The following BORCS8 variants were observed in gnomAD, a reference collection of about 807,000 sequenced individuals.
BORCS8 encodes BLOC-1 related complex subunit 8.
BORCS8 carries 13 observed loss-of-function variants against 18.7 expected under a neutral mutation model. The observed-to-expected ratio is 0.70, with a 90% CI of 0.45 to 1.11. BORCS8 has a LOEUF of 1.11. BORCS8 is among the 50% of genes least tolerant of loss of function. The pLI is 0.00. For missense variants in BORCS8, 165 were observed against 165.7 expected (o/e 1.00, Z 0.02); for synonymous variants, 68 against 64.8 (o/e 1.05, Z -0.24).
chr19:19,189,485 C>G (rs78678276), intron 1 of BORCS8, among the ~76,000 whole-genome samples: 5,436 of 152,296 alleles, frequency 0.036, 258 homozygotes, highest in East Asian at 0.24. Flanking sequence ...ATAAAATCCG[C>G]CTTTCTTGCC....
chr19:19,182,563 C>G lies in BORCS8; in HGVS notation c.326+10G>C. 3.2e-6 allele frequency: 5 copies of G among 1,549,432 alleles called. No homozygotes were observed. Among genetic ancestry groups the G allele is most frequent in the Non-Finnish European group, 4.4e-6 (5 of 1,146,476 alleles). The stretch of plus-strand genomic sequence containing the variant: ...GAGTGGCAGTGGGGGCGGGCGGTCC[C>G]AGGAGCTACCTGTGGCCCTGGGCAC... On this transcript the variant is annotated intron_variant, in intron 4 of 5. Transcript: ENST00000462790. The surrounding 1 kb of genome is among the most constrained non-coding windows in gnomAD (Gnocchi z 4.1).
intron 5 of BORCS8, chr19:19,178,802 A>T (rs1477783810): frequency 6.6e-6 from 1 of 152,152 alleles, no homozygotes; most frequent in Non-Finnish European, 1.5e-5. Flanking sequence ...TCTACTAAAA[A>T]TACAAAAATT....
intron 5 of BORCS8, chr19:19,180,402 G>A (rs191187689): frequency 1.6e-5 from 8 of 499,286 alleles, no homozygotes; most frequent in African/African-American, 6.0e-5. Flanking sequence ...CTCTGTCTTG[G>A]GGGGTGGAAA....
chr19:19,180,556 C>T lies in BORCS8; in HGVS notation c.*42+130G>A, dbSNP rs141278039. The T allele has an allele frequency of 5.7e-4, 403 of 705,780 alleles. No individual in the cohort carries two copies. In the African/African-American group the frequency reaches 6.4e-3, roughly 11 times the overall value. The allele number at this position is 705,780 out of a possible 1,614,324, so 43.7% of individuals were successfully genotyped here. On this transcript the variant is annotated intron_variant, in intron 5 of 5. Coordinates refer to ENST00000462790, the MANE Select transcript of BORCS8 (RefSeq NM_001145784.2). ...CAGACACCCCTCCACCTGCCACCTC[C>T]GAAATCATCCCACAAGCCCAGTGAG...
intron 4 of BORCS8, among the ~76,000 whole-genome samples, chr19:19,181,477 C>A (rs1478158365): frequency 6.6e-6 from 1 of 152,200 alleles, no homozygotes; most frequent in African/African-American, 2.4e-5. Context: ...CAAGCTGCTA[C>A]TAATATCTTT....
At chr19:19,185,018 A>AC (rs1472572118) in intron 3 of BORCS8, among the ~76,000 whole-genome samples, 2 of 152,332 alleles carry the variant, frequency 1.3e-5, no homozygotes, top group Admixed American at 6.5e-5. Flanking sequence ...GGCGTGCATA[A>AC]CCATTCCCAG....
intron 1 of BORCS8, among the ~76,000 whole-genome samples, chr19:19,187,326 T>C (rs1172293872): frequency 2.0e-5 from 3 of 151,922 alleles, no homozygotes; most frequent in African/African-American, 7.3e-5. Context: ...AATACAAAAA[T>C]TAGCCAGGCA....
intron 3 of BORCS8, among the ~76,000 whole-genome samples, chr19:19,184,994 T>A (rs1411638938): frequency 6.6e-6 from 1 of 152,214 alleles, no homozygotes; most frequent in African/African-American, 2.4e-5. Flanking sequence ...GCCTCCTGAG[T>A]AGCTGGAACT....
intron 1 of BORCS8, among the ~76,000 whole-genome samples, chr19:19,188,466 A>T (rs1198465691): frequency 1.3e-5 from 2 of 151,136 alleles, no homozygotes; most frequent in African/African-American, 4.9e-5. Context: ...CCCCCAGTGA[A>T]CTCTTCTCAT....
intron 1 of BORCS8, among the ~76,000 whole-genome samples, chr19:19,189,395 C>T (rs1421347210): frequency 1.3e-5 from 2 of 152,212 alleles, no homozygotes; most frequent in African/African-American, 2.4e-5. Context: ...CCATGCAGCA[C>T]GTGAGGCAAA....
chr19:19,180,809 C>T, intron 4 of BORCS8, 48 bp from the exon 5 acceptor site: 1 of 1,512,604 alleles, frequency 6.6e-7, no homozygotes, highest in Non-Finnish European at 8.9e-7. Context: ...TCAGAGGCCA[C>T]AAGGCTTGCT....
At chr19:19,191,949 T>A in intron 1 of BORCS8, 132 bp downstream of exon 1, 1 of 1,100,612 alleles carries the variant, frequency 9.1e-7, no homozygotes, top group South Asian at 1.4e-5. Flanking sequence ...TCAAAACTAG[T>A]CAGCGGCAGA....
intron 5 of BORCS8, chr19:19,179,208 G>C (rs2060327955): frequency 6.5e-6 from 1 of 152,678 alleles, no homozygotes; most frequent in African/African-American, 2.4e-5. Flanking sequence ...GGCTGGGTTG[G>C]GGGTGTGGGC....
At chr19:19,191,703 C>A (rs1350168764) in intron 1 of BORCS8, among the ~76,000 whole-genome samples, 1 of 152,070 alleles carries the variant, frequency 6.6e-6, no homozygotes, top group Non-Finnish European at 1.5e-5. Flanking sequence ...CCTTAGCCGC[C>A]CAAGTAGCTG....
At chr19:19,188,983 C>T (rs1056841477) in intron 1 of BORCS8, among the ~76,000 whole-genome samples, 7 of 151,946 alleles carry the variant, frequency 4.6e-5, no homozygotes, top group Non-Finnish European at 1.0e-4. Flanking sequence ...TACAGGCACC[C>T]GCCACCACGC....
chr19:19,185,066 A>G (rs11668319), intron 3 of BORCS8, among the ~76,000 whole-genome samples: 24,042 of 152,222 alleles, frequency 0.16, 2,124 homozygotes, highest in East Asian at 0.37. Flanking sequence ...TCCTTGAGCT[A>G]AGGAAGATAC....
chr19:19,186,178 G>A, intron 2 of BORCS8, 80 bp from the exon 3 acceptor site: 1 of 1,295,076 alleles, frequency 7.7e-7, no homozygotes, highest in Non-Finnish European at 1.1e-6. Flanking sequence ...CTTGGTTGGG[G>A]CTCTCCTGAG....
intron 2 of BORCS8, 121 bp from the exon 3 acceptor site, chr19:19,186,219 C>T (rs751921748): frequency 2.2e-6 from 2 of 892,834 alleles, no homozygotes; most frequent in Non-Finnish European, 3.5e-6. Flanking sequence ...ACCTTTCCTC[C>T]TGCAACTCCC....
chr19:19,183,343 G>A (rs1261452315), intron 3 of BORCS8, among the ~76,000 whole-genome samples: 1 of 151,494 alleles, frequency 6.6e-6, no homozygotes, highest in Non-Finnish European at 1.5e-5. Flanking sequence ...CTGGGAGGCA[G>A]AGCTTGCAGT....
Sources: gnomAD v4.1 joint callset for allele counts (sites outside exome capture counted in the v4.1 genomes callset) on GRCh38, gnomAD v4.1.1 for gene constraint, Gnocchi (gnomAD v3.1) non-coding constraint, MANE v1.5 for transcripts, NCBI Gene and HGNC (gene_info 2026-07-23, HGNC 2026-07-21) for gene names.